Variants in OTUD5 observed in about 807,000 individuals in gnomAD.
OTUD5 encodes OTU domain-containing protein 5.
In OTUD5, 2 loss-of-function variants were observed where a neutral mutation model predicts 36.3. The observed-to-expected ratio is 0.06, with a 90% CI of 0.02 to 0.17. The LOEUF (loss-of-function observed/expected upper bound fraction) is 0.17, where lower values mean the gene tolerates loss of function less well. Ranked by LOEUF, OTUD5 falls within the 10% of genes least tolerant of loss-of-function variation. The pLI, the probability that OTUD5 is intolerant of heterozygous loss-of-function variation, is 1.00. For missense variants in OTUD5, 233 were observed against 512.3 expected, an observed-to-expected ratio of 0.45 and a Z score of 5.26; for synonymous variants, 234 against 214.9, an observed-to-expected ratio of 1.09 and a Z score of -0.78.
Position 48,957,603 on chromosome X carries a change from G to A in OTUD5, c.-33C>T, listed in dbSNP as rs1167335893. 2.5e-6 allele frequency: 2 copies of A among 794,980 alleles called. No individual in the cohort carries two copies. Among genetic ancestry groups the A allele is most frequent in the African/African-American group, 2.3e-5 (1 of 43,573 alleles). 65.5% of individuals were successfully genotyped at this position (794,980 alleles called of 1,213,427 possible). ...CTGCCGAGTACCCCCCAACAAACCC[G>A]GCGCGGGGCACGCCGGGAGAGAACC... On this transcript the variant is annotated 5_prime_UTR_variant, in exon 1 of 9. Transcript: ENST00000376488.
rs2063612327 is a variant in OTUD5, at chrX:48,923,415, C to G, written c.1580-120G>C. The G allele has an allele frequency of 1.1e-5, 7 of 621,248 alleles. No individual in the cohort carries two copies. The East Asian group carries it at 2.5e-4, about 22-fold the overall frequency. 51.2% of individuals were successfully genotyped at this position (621,248 alleles called of 1,213,427 possible). A position where few individuals can be genotyped will look rare whatever the true frequency, so the allele number is the denominator to read the frequency against. ...CATAGGGCCCTTCTCACTCCTTTCT[C>G]AAAACAGAAGGATCTGCTAGGCCTG... On this transcript the variant is annotated intron_variant, in intron 8 of 8. Transcript: ENST00000376488.
intron 1 of OTUD5, among the ~76,000 whole-genome samples, chrX:48,950,977 G>T (rs2064130482): frequency 9.0e-6 from 1 of 110,949 alleles, no homozygotes; most frequent in Admixed American, 9.6e-5. Flanking sequence ...GTGCCTCACA[G>T]GTGTGAGACA....
chrX:48,944,868 C>A (rs967628122), intron 1 of OTUD5, among the ~76,000 whole-genome samples: 1 of 111,093 alleles, frequency 9.0e-6, no homozygotes, highest in East Asian at 2.8e-4. Context: ...AATAAAAATA[C>A]AAAAGTAGTC....
At chrX:48,944,422 A>T (rs1473701567) in intron 1 of OTUD5, 139 bp from the exon 2 acceptor site, 1 of 447,014 alleles carries the variant, frequency 2.2e-6, no homozygotes, top group African/African-American at 2.4e-5. Flanking sequence ...CTGTTTGACC[A>T]CTCCATGCAT....
chrX:48,940,951 G>C (rs1467684793), intron 2 of OTUD5: 1 of 111,533 alleles, frequency 9.0e-6, no homozygotes, highest in African/African-American at 3.3e-5. Context: ...GCAAATGGTA[G>C]GACCCTATAG....
chrX:48,942,164 A>G (rs2063935571), intron 2 of OTUD5, among the ~76,000 whole-genome samples: 1 of 106,989 alleles, frequency 9.3e-6, no homozygotes, highest in Admixed American at 1.0e-4. Context: ...ACGAGTTACT[A>G]CAACAAGCCA....
chrX:48,941,658 C>T (rs1472782073), intron 2 of OTUD5, among the ~76,000 whole-genome samples: 2 of 110,253 alleles, frequency 1.8e-5, no homozygotes, highest in African/African-American at 6.6e-5. Flanking sequence ...GAAACAGTGC[C>T]CTCTATGTTT....
At chrX:48,940,698 T>C (rs1569515259) in intron 2 of OTUD5, 1 of 111,647 alleles carries the variant, frequency 9.0e-6, no homozygotes, top group Non-Finnish European at 1.9e-5. Context: ...AAGGGAGAGA[T>C]GCAGAGTCAT....
At chrX:48,958,081 A>C (rs1289821329), upstream of OTUD5, among the ~76,000 whole-genome samples, 4 of 112,929 alleles carry the variant, frequency 3.5e-5, no homozygotes, top group African/African-American at 9.6e-5. Context: ...GCTGCGTGGG[A>C]CCTCGACGAC....
chrX:48,952,079 A>C (rs190082655), intron 1 of OTUD5, among the ~76,000 whole-genome samples: 3 of 111,686 alleles, frequency 2.7e-5, no homozygotes, highest in African/African-American at 6.6e-5. Context: ...AAACAAAAAC[A>C]AAAACCAAAA....
chrX:48,952,048 T>C (rs2064156667), intron 1 of OTUD5, among the ~76,000 whole-genome samples: 2 of 108,635 alleles, frequency 1.8e-5, no homozygotes, highest in Non-Finnish European at 1.9e-5. Flanking sequence ...AGAGCAAGAC[T>C]CCACCTTAAA....
chrX:48,940,995 C>T (rs1459060593), intron 2 of OTUD5, among the ~76,000 whole-genome samples: 1 of 111,364 alleles, frequency 9.0e-6, no homozygotes, highest in East Asian at 2.8e-4. Context: ...GGCAGAAAGC[C>T]ACCTGCCTCA....
chrX:48,940,955 C>G (rs1424923572), intron 2 of OTUD5: 1 of 111,274 alleles, frequency 9.0e-6, no homozygotes, highest in Admixed American at 9.6e-5. Context: ...ATGGTAGGAC[C>G]CTATAGGAAG....
At position 48,926,009 on chromosome X, in the gene OTUD5, C is replaced by T. The variant is rs150872712; in HGVS notation, c.1101G>A (p.Ser367=). The T allele has an allele frequency of 2.1e-4, 250 of 1,208,738 alleles. No individual in the cohort carries two copies. The highest frequency in any genetic ancestry group is 2.7e-4 in the Non-Finnish European group (240 of 894,107). The stretch of plus-strand genomic sequence containing the variant: ...TCTGCTGTTCAATCCATGACTCCTC[C>T]GATGTTTTTATGGCATTCTTCATCA... ...QSLMKNAIKT[S]EESWIEQQML... Residue 367 remains serine (S), a synonymous_variant, in exon 6 of 9, where the codon TCG becomes TCA. Transcript: ENST00000376488.
chrX:48,957,422 C>T lies in OTUD5; in HGVS notation c.149G>A (p.Arg50His). The stretch of plus-strand genomic sequence containing the variant: ...CCCCACGACGCCGGAGTCACGGTCG[C>T]GATCGCCGCCGCCCACGCCCGTGCC... ...GGGTGVGGGD[R>H]DRDSGVVGAR... Residue 50 changes from arginine to histidine, a missense_variant, in exon 1 of 9, where the codon CGC becomes CAC. By Grantham distance (29) the Arg-to-His change is conservative. Around this residue, in one of 3 missense-constraint regions of OTUD5, gnomAD observed 155 missense variants for 217.2 expected, o/e 0.71. Coordinates refer to ENST00000376488, the MANE Select transcript of OTUD5 (RefSeq NM_001136157.2). 1 of 1,068,809 alleles carries T rather than the reference C, an allele frequency of 9.4e-7. No homozygotes were observed. Among genetic ancestry groups the T allele is most frequent in the Non-Finnish European group, 1.2e-6 (1 of 829,703 alleles). The allele number at this position is 1,068,809 out of a possible 1,213,427, so 88.1% of individuals were successfully genotyped here.
rs922058399 is a variant in OTUD5, at chrX:48,925,094, C to T, written c.1263+753G>A. Among the ~76,000 whole-genome samples, 13 of 109,775 alleles carry T rather than the reference C, an allele frequency of 1.2e-4. No homozygotes were observed. In the South Asian group the frequency reaches 1.9e-3, roughly 16 times the overall value. On this transcript the variant is annotated intron_variant, in intron 6 of 8. Transcript: ENST00000376488. The stretch of plus-strand genomic sequence containing the variant: ...GAGATGGAGACCATCCTGGCTAACA[C>T]GGTGAAACCCCGTCTCTACTAAAAA...
At chrX:48,957,786 G>A (rs1456816927), upstream of OTUD5, 9 of 783,333 alleles carry the variant, frequency 1.1e-5, no homozygotes, top group African/African-American at 2.1e-4. Context: ...AGGAGAACCC[G>A]GATGTAAAGT....
intron 5 of OTUD5, 102 bp from the exon 6 acceptor site, chrX:48,926,152 A>AC: frequency 3.3e-6 from 2 of 597,148 alleles, no homozygotes; most frequent in South Asian, 5.2e-5. Context: ...CAGAAAAAAA[A>AC]GGAGACAGGA....
chrX:48,945,932 G>A (rs1319741584), intron 1 of OTUD5, among the ~76,000 whole-genome samples: 1 of 110,739 alleles, frequency 9.0e-6, no homozygotes, highest in Admixed American at 9.6e-5. Flanking sequence ...CCTTTCCTGG[G>A]CCCCTCACGC....
Sources: gnomAD v4.1 joint callset for allele counts (sites outside exome capture counted in the v4.1 genomes callset) on GRCh38, gnomAD v4.1.1 for gene constraint, gnomAD v4.1.1 regional missense constraint, MANE v1.5 for transcripts, NCBI Gene and HGNC (gene_info 2026-07-23, HGNC 2026-07-21) for gene names.